GULP1: variants seen among roughly 807,000 people sequenced by gnomAD.
GULP1 encodes the protein PTB domain-containing engulfment adapter protein 1.
Under a neutral mutation model 40.9 loss-of-function variants are expected in GULP1, and 19 were observed. The observed-to-expected ratio is 0.46, with a 90% confidence interval of 0.32 to 0.68. The LOEUF (loss-of-function observed/expected upper bound fraction) is 0.68. GULP1 is among the 30% of genes least tolerant of loss of function. GULP1 has a pLI of 0.03. For missense variants in GULP1, 312 were observed against 362.2 expected (o/e 0.86, Z 1.12); for synonymous variants, 119 against 117.6 (o/e 1.01, Z -0.08).
intron 1 of GULP1, among the ~76,000 whole-genome samples, chr2:188,321,422 A>G (rs766322025): frequency 1.5e-4 from 23 of 152,276 alleles, no homozygotes; most frequent in Non-Finnish European, 2.6e-4. Flanking sequence ...ACTAATACTG[A>G]GTCTAATACA....
intron 2 of GULP1, among the ~76,000 whole-genome samples, chr2:188,419,809 C>A (rs1005228763): frequency 6.6e-6 from 1 of 152,040 alleles, no homozygotes; most frequent in Non-Finnish European, 1.5e-5. Context: ...CTTAGGTTTT[C>A]TTTTAGGAGT....
rs1274038861 is a variant in GULP1, at chr2:188,517,921, G to A, written c.91-4835G>A. Among the ~76,000 whole-genome samples the A allele has an allele frequency of 4.6e-5, 7 of 152,026 alleles. No individual in the cohort carries two copies. In the South Asian group the frequency reaches 1.2e-3, roughly 27 times the overall value. On this transcript the variant is annotated intron_variant, in intron 4 of 11. Transcript: ENST00000409830. ...GCATTTTGCAGCCCAGAGGTCCCCG[G>A]CCTAATTCTTCAGATAGTTAACAAC...
At chr2:188,425,218 C>G (rs1342738635) in intron 2 of GULP1, among the ~76,000 whole-genome samples, 1 of 152,086 alleles carries the variant, frequency 6.6e-6, no homozygotes, top group African/African-American at 2.4e-5. Context: ...TCTTTCCCTT[C>G]ATTTGCTGAC....
intron 1 of GULP1, among the ~76,000 whole-genome samples, chr2:188,320,249 G>A (rs964486139): frequency 1.3e-5 from 2 of 151,938 alleles, no homozygotes; most frequent in Non-Finnish European, 2.9e-5. Flanking sequence ...AGTATTTTTT[G>A]GACATATTTT....
At chr2:188,395,337 C>T (rs767919049) in intron 2 of GULP1, among the ~76,000 whole-genome samples, 4 of 152,190 alleles carry the variant, frequency 2.6e-5, no homozygotes, top group East Asian at 1.9e-4. Flanking sequence ...TGTGCAAGCA[C>T]GAACCTGGCG....
chr2:188,392,177 A>G (rs996451905), intron 2 of GULP1, among the ~76,000 whole-genome samples: 5 of 151,996 alleles, frequency 3.3e-5, no homozygotes, highest in African/African-American at 1.2e-4. Context: ...TAAGATTGGT[A>G]TCAATTGTTT....
At position 188,584,612 on chromosome 2, in the gene GULP1, C is replaced by G. The variant is rs542927473; in HGVS notation, c.748+209C>G. Among the ~76,000 whole-genome samples, 4 of 151,900 alleles carry G rather than the reference C, an allele frequency of 2.6e-5. 1 individual carries two copies. The highest frequency in any genetic ancestry group is 7.2e-5 in the African/African-American group (3 of 41,406). ...CTACTAATGACATCTCTGCTTGCAA[C>G]TTTTACCTATTGTGTGAACAATTAT... On this transcript the variant is annotated intron_variant, in intron 10 of 11. Transcript: ENST00000409830.
intron 6 of GULP1, among the ~76,000 whole-genome samples, chr2:188,538,694 A>AGTGTGTGTGT (rs113650180): frequency 2.1e-5 from 3 of 144,726 alleles, no homozygotes; most frequent in Admixed American, 6.9e-5. Context: ...TGTGTGTGTG[A>AGTGTGTGTGT]GTGTGTGTGT....
intron 4 of GULP1, among the ~76,000 whole-genome samples, chr2:188,502,020 A>T (rs943379347): frequency 6.6e-6 from 1 of 151,892 alleles, no homozygotes; most frequent in Non-Finnish European, 1.5e-5. Context: ...GCCTTAACTG[A>T]TAAACTATTT....
At chr2:188,407,649 A>C (rs957429053) in intron 2 of GULP1, among the ~76,000 whole-genome samples, 2 of 152,202 alleles carry the variant, frequency 1.3e-5, no homozygotes, top group Non-Finnish European at 2.9e-5. Flanking sequence ...GTAAATGCAC[A>C]AATAAGAAAA....
At chr2:188,312,407 C>T (rs1317422205) in intron 1 of GULP1, among the ~76,000 whole-genome samples, 1 of 152,060 alleles carries the variant, frequency 6.6e-6, no homozygotes, top group Admixed American at 6.6e-5. Context: ...ATTTGGTTTT[C>T]TGTTTCTGTG....
At chr2:188,507,653 T>A (rs1471574103) in intron 4 of GULP1, among the ~76,000 whole-genome samples, 1 of 151,980 alleles carries the variant, frequency 6.6e-6, no homozygotes, top group Non-Finnish European at 1.5e-5. Flanking sequence ...TGCATTATTA[T>A]CAAGGAACTG....
chr2:188,454,608 TGTCA>T (rs1176551365), intron 2 of GULP1, among the ~76,000 whole-genome samples: 1 of 152,172 alleles, frequency 6.6e-6, no homozygotes. Flanking sequence ...CTCCTGCCTC[TGTCA>T]GTAGATCAGG....
chr2:188,429,732 G>A (rs527531645), intron 2 of GULP1, among the ~76,000 whole-genome samples: 28 of 151,728 alleles, frequency 1.8e-4, no homozygotes, highest in Non-Finnish European at 3.2e-4. Context: ...TTTAAGAGAC[G>A]GAGTCTCGCT....
intron 7 of GULP1, among the ~76,000 whole-genome samples, chr2:188,554,583 A>G (rs1694293131): frequency 6.6e-6 from 1 of 151,636 alleles, no homozygotes; most frequent in Non-Finnish European, 1.5e-5. Context: ...ATACTGGGGA[A>G]TGTTCTATGT....
chr2:188,554,129 A>T, intron 7 of GULP1, among the ~76,000 whole-genome samples: 1 of 151,592 alleles, frequency 6.6e-6, no homozygotes, highest in East Asian at 1.9e-4. Context: ...GTATTTTTTT[A>T]GTCTCTATTT....
chr2:188,335,617 A>G (rs2042157064), intron 1 of GULP1, among the ~76,000 whole-genome samples: 1 of 152,174 alleles, frequency 6.6e-6, no homozygotes, highest in Admixed American at 6.6e-5. Context: ...AAGTACCTTG[A>G]AGGCAAGGGC....
intron 1 of GULP1, among the ~76,000 whole-genome samples, chr2:188,378,921 T>C (rs1301254180): frequency 6.6e-6 from 1 of 152,188 alleles, no homozygotes; most frequent in African/African-American, 2.4e-5. Flanking sequence ...TGTCTAAATA[T>C]TATCTTTTAG....
rs2065764125 is a variant in GULP1 at position 188,521,406 on chromosome 2, C to G, written c.91-1350C>G. On this transcript the variant is annotated intron_variant, in intron 4 of 11. Transcript: ENST00000409830. ...CTTACTGTATTAGTCTGTTCTCATA[C>G]TGCTAATAAAGACATACCCAAGACT... 2.0e-5 allele frequency among the ~76,000 whole-genome samples: 3 copies of G among 152,064 alleles called. No individual in the cohort carries two copies. The South Asian group carries it at 6.2e-4, about 32-fold the overall frequency.
Sources: gnomAD v4.1 joint callset for allele counts (sites outside exome capture counted in the v4.1 genomes callset) on GRCh38, gnomAD v4.1.1 for gene constraint, MANE v1.5 for transcripts, NCBI Gene and HGNC (gene_info 2026-07-23, HGNC 2026-07-21) for gene names.